Variants in SECISBP2 observed in about 807,000 individuals in gnomAD.
The protein encoded by SECISBP2 is selenocysteine insertion sequence-binding protein 2.
A neutral mutation model predicts 98.2 loss-of-function variants in SECISBP2; 96 were observed. The observed-to-expected ratio is 0.98, with a 90% CI of 0.83 to 1.16. The LOEUF is 1.16. Among genes scored for constraint, SECISBP2 ranks in the 50% most tolerant of loss-of-function variants. The probability of loss-of-function intolerance (pLI) is 0.00; values close to 1 mark genes in which losing one functional copy is unlikely to be tolerated. For synonymous variants in SECISBP2, 407 were observed against 370.2 expected (o/e 1.10, Z -1.14); for missense variants, 1,046 against 1,022.9 (o/e 1.02, Z -0.31).
Position 89,339,971 on chromosome 9 carries a change from A to G in SECISBP2, c.1302+18A>G. 6.4e-7 allele frequency: 1 copy of G among 1,559,090 alleles called. No individual in the cohort carries two copies. Among genetic ancestry groups the G allele is most frequent in the Non-Finnish European group, 8.8e-7 (1 of 1,130,508 alleles). On this transcript the variant is annotated intron_variant, in intron 9 of 16. Transcript: ENST00000375807. ...AGCCACAGGTAATTTTTAGATTGAA[A>G]CCACAAATTGCTTTAGGCTTAACTC...
chr9:89,335,959 A>C (rs2131744980), intron 7 of SECISBP2, among the ~76,000 whole-genome samples: 1 of 152,090 alleles, frequency 6.6e-6, no homozygotes, highest in South Asian at 2.1e-4. Flanking sequence ...GTAGCAAAAT[A>C]ATTGAATTCT....
rs200498422 is a variant in SECISBP2, at chr9:89,338,408, C to T, written c.1090-50C>T. ...TTGTTGATACATAGTATTAAACATTCTATTGACCGCCCTAAAAACAGGATT... is the reference window on the plus strand; with the variant it reads ...TTGTTGATACATAGTATTAAACATTTTATTGACCGCCCTAAAAACAGGATT... On this transcript the variant is annotated intron_variant, in intron 7 of 16. Transcript: ENST00000375807. 277 of 1,606,960 alleles carry T rather than the reference C, an allele frequency of 1.7e-4. 3 individuals carry two copies. The East Asian group carries it at 3.3e-3, about 19-fold the overall frequency.
At chr9:89,318,650 C>A in intron 1 of SECISBP2, 38 bp downstream of exon 1, 2 of 1,387,952 alleles carry the variant, frequency 1.4e-6, no homozygotes, top group Non-Finnish European at 1.9e-6. Flanking sequence ...AGCCTCAGTC[C>A]GTCCGCCTGC....
In SECISBP2 at chr9:89,358,979, A is replaced by C; in HGVS notation, c.*155A>C. ...AAAGGGCACATGAAGCAGTGTCTGC[A>C]GGCGTTCAGTGCTGCGGAGCCTGTT... On this transcript the variant is annotated 3_prime_UTR_variant, in exon 17 of 17. Coordinates refer to ENST00000375807, the MANE Select transcript of SECISBP2 (RefSeq NM_024077.5). 1.5e-6 allele frequency: 1 copy of C among 666,268 alleles called. No homozygotes were observed. The highest frequency in any genetic ancestry group is 2.7e-6 in the Non-Finnish European group (1 of 369,366). The allele number at this position is 666,268 out of a possible 1,614,324, so 41.3% of individuals were successfully genotyped here.
chr9:89,322,328 A>G (rs901613903), intron 2 of SECISBP2: 1 of 152,274 alleles, frequency 6.6e-6, no homozygotes, highest in African/African-American at 2.4e-5. Flanking sequence ...GTTTCTTCCA[A>G]GTAATGTCCA....
At position 89,347,294 on chromosome 9, in the gene SECISBP2, C is replaced by G. The variant is rs1380120016; in HGVS notation, c.1602+246C>G. On this transcript the variant is annotated intron_variant, in intron 11 of 16. Coordinates refer to ENST00000375807, the MANE Select transcript of SECISBP2 (RefSeq NM_024077.5). Reference sequence around the variant, plus strand: ...AAAGGAACATGTTTTATTTTTTCAACTTTGCAATGGATGGACAGAAAACCA... The same window carrying G: ...AAAGGAACATGTTTTATTTTTTCAAGTTTGCAATGGATGGACAGAAAACCA... Among the ~76,000 whole-genome samples the G allele has an allele frequency of 3.9e-5, 6 of 152,016 alleles. No individual in the cohort carries two copies. The East Asian group carries it at 9.7e-4, about 24-fold the overall frequency.
chr9:89,335,536 T>C (rs2131738830), intron 7 of SECISBP2, among the ~76,000 whole-genome samples: 1 of 152,232 alleles, frequency 6.6e-6, no homozygotes, highest in African/African-American at 2.4e-5. Flanking sequence ...CTTCACCATA[T>C]TGGCTAGGCT....
chr9:89,348,033 TAAGTAC>T, intron 11 of SECISBP2, 40 bp from the exon 12 acceptor site: 1 of 1,548,262 alleles, frequency 6.5e-7, no homozygotes, highest in East Asian at 2.4e-5. Flanking sequence ...GCTTATCTTT[TAAGTAC>T]AAGTATTTAG....
At chr9:89,345,051 A>C (rs778244208) in intron 10 of SECISBP2, among the ~76,000 whole-genome samples, 8 of 152,206 alleles carry the variant, frequency 5.3e-5, no homozygotes, top group Non-Finnish European at 8.8e-5. Context: ...AATACTAGCA[A>C]CAAATTCTCA....
In SECISBP2 at chr9:89,318,534, C is replaced by G. The variant is rs187886577; in HGVS notation, c.-43C>G. 4.2e-5 allele frequency: 64 copies of G among 1,511,218 alleles called. No homozygotes were observed. The African/African-American group carries it at 7.9e-4, about 19-fold the overall frequency. 93.6% of individuals were successfully genotyped at this position (1,511,218 alleles called of 1,614,324 possible). On this transcript the variant is annotated 5_prime_UTR_variant, in exon 1 of 17. Coordinates refer to ENST00000375807, the MANE Select transcript of SECISBP2 (RefSeq NM_024077.5). ...TTGTCTGTCCGGCAAGCCGACGGCC[C>G]GCTGCTGGCCTCCGTGACGCGGCCT...
chr9:89,328,938 T>C, intron 5 of SECISBP2, 52 bp downstream of exon 5: 1 of 1,406,788 alleles, frequency 7.1e-7, no homozygotes, highest in South Asian at 1.2e-5. Context: ...CTTTAAATTG[T>C]CTCATTTCAA....
intron 2 of SECISBP2, 39 bp from the exon 3 acceptor site, chr9:89,325,388 G>T (rs1173831007): frequency 6.2e-7 from 1 of 1,604,360 alleles, no homozygotes; most frequent in Admixed American, 1.7e-5. Context: ...TTGGTTTGCA[G>T]TATGAAATCT....
chr9:89,332,832 G>T, intron 5 of SECISBP2, 76 bp from the exon 6 acceptor site: 1 of 1,167,722 alleles, frequency 8.6e-7, no homozygotes, highest in Non-Finnish European at 1.3e-6. Context: ...AAAGTGTTCT[G>T]GATTTTGATA....
chr9:89,320,833 A>C (rs1458452780), intron 2 of SECISBP2, among the ~76,000 whole-genome samples: 1 of 152,024 alleles, frequency 6.6e-6, no homozygotes, highest in Non-Finnish European at 1.5e-5. Context: ...TGTTTTTAAG[A>C]TTTGCATCAG....
intron 7 of SECISBP2, among the ~76,000 whole-genome samples, chr9:89,336,146 C>G (rs906753698): frequency 7.8e-6 from 1 of 127,962 alleles, no homozygotes; most frequent in Non-Finnish European, 1.6e-5. Context: ...AGCAATCCTT[C>G]CACCTCAGCC....
chr9:89,365,691 CA>C, the SECISBP2 span: 5 of 152,376 alleles, frequency 3.3e-5, no homozygotes, highest in East Asian at 7.7e-4. Flanking sequence ...CCTGCACACA[CA>C]AAAACTGGCC....
At chr9:89,321,231 A>G (rs1431759362) in intron 2 of SECISBP2, among the ~76,000 whole-genome samples, 1 of 152,244 alleles carries the variant, frequency 6.6e-6, no homozygotes, top group African/African-American at 2.4e-5. Context: ...CTCAGTGACA[A>G]GAGCTCAAAG....
At chr9:89,332,175 G>A (rs1468207645) in intron 5 of SECISBP2, among the ~76,000 whole-genome samples, 1 of 152,086 alleles carries the variant, frequency 6.6e-6, no homozygotes, top group Admixed American at 6.5e-5. Context: ...AGCAGTTTTA[G>A]GTTCACAGCA....
chr9:89,355,481 A>G (rs191981530), intron 14 of SECISBP2: 1 of 959,614 alleles, frequency 1.0e-6, no homozygotes, highest in African/African-American at 1.8e-5. Flanking sequence ...TTTGTTGCCC[A>G]TTTGCTTTTG....
Sources: gnomAD v4.1 joint callset for allele counts (sites outside exome capture counted in the v4.1 genomes callset) on GRCh38, gnomAD v4.1.1 for gene constraint, MANE v1.5 for transcripts, NCBI Gene and HGNC (gene_info 2026-07-23, HGNC 2026-07-21) for gene names.